FAM118B: variants seen among roughly 807,000 people sequenced by gnomAD.
FAM118B encodes protein FAM118B.
A neutral mutation model predicts 38.5 loss-of-function variants in FAM118B; 24 were observed. The ratio of observed to expected loss-of-function variants is 0.62; its 90% confidence interval spans 0.45 to 0.88. The LOEUF is 0.88. Ranked by LOEUF, FAM118B falls within the 40% of genes least tolerant of loss-of-function variation. The pLI, the probability that FAM118B is intolerant of heterozygous loss-of-function variation, is 0.00. For synonymous variants in FAM118B, 138 were observed against 156.3 expected (o/e 0.88, Z 0.87); for missense variants, 334 against 420.0 (o/e 0.80, Z 1.79).
At chr11:126,227,254 G>A (rs1950155674) in intron 1 of FAM118B, among the ~76,000 whole-genome samples, 1 of 151,756 alleles carries the variant, frequency 6.6e-6, no homozygotes, top group African/African-American at 2.4e-5. Context: ...GTAGAGATGG[G>A]GTTTTGCCAT....
intron 7 of FAM118B, among the ~76,000 whole-genome samples, chr11:126,258,872 A>G (rs981327599): frequency 1.5e-4 from 23 of 152,270 alleles, no homozygotes; most frequent in Non-Finnish European, 4.4e-5. Flanking sequence ...GTTGCATTAC[A>G]TAACAAAGAA....
chr11:126,225,910 G>A (rs1275798773), intron 1 of FAM118B, among the ~76,000 whole-genome samples: 1 of 152,230 alleles, frequency 6.6e-6, no homozygotes, highest in Admixed American at 6.5e-5. Flanking sequence ...AACCCAAGGA[G>A]ATGGAGGTTG....
At chr11:126,234,415 A>G (rs886067921) in intron 2 of FAM118B, among the ~76,000 whole-genome samples, 1 of 152,200 alleles carries the variant, frequency 6.6e-6, no homozygotes, top group South Asian at 2.1e-4. Flanking sequence ...TTTACCAGTC[A>G]TCACAGTGGC....
At chr11:126,261,575 C>T (rs1200457720) in intron 8 of FAM118B, 91 bp downstream of exon 8, 1 of 1,007,154 alleles carries the variant, frequency 9.9e-7, no homozygotes, top group African/African-American at 1.6e-5. Flanking sequence ...TTACTTTGGA[C>T]CTCACATTGC....
At chr11:126,229,122 C>A (rs1169790741) in intron 1 of FAM118B, 103 bp from the exon 2 acceptor site, 2 of 152,118 alleles carry the variant, frequency 1.3e-5, no homozygotes, top group South Asian at 4.1e-4. Context: ...TAACCTATGC[C>A]ATTTATGATG....
chr11:126,219,539 T>A (rs1269681705), intron 1 of FAM118B, among the ~76,000 whole-genome samples: 1 of 151,946 alleles, frequency 6.6e-6, no homozygotes, highest in East Asian at 1.9e-4. Flanking sequence ...AAGTTTTTTA[T>A]TTTTGTAGAG....
In FAM118B at chr11:126,252,212, C is replaced by T. The variant is rs1340175300; in HGVS notation, c.567+1479C>T. Among the ~76,000 whole-genome samples the T allele has an allele frequency of 6.6e-6, 1 of 152,118 alleles. No individual in the cohort carries two copies. The highest frequency in any genetic ancestry group is 6.5e-5 in the Admixed American group (1 of 15,272). On this transcript the variant is annotated intron_variant, in intron 5 of 8. Transcript: ENST00000533050. This position sits in a 1 kb window ranked among gnomAD's most constrained non-coding sequence, Gnocchi z 4.7. Reference sequence around the variant, plus strand: ...ATGTTGGCCAGGCTGGTCTCGAACTCCTGACCTCAGGTGATCTGCCCACCT... The same window carrying T: ...ATGTTGGCCAGGCTGGTCTCGAACTTCTGACCTCAGGTGATCTGCCCACCT...
intron 1 of FAM118B, among the ~76,000 whole-genome samples, chr11:126,217,070 G>A (rs976413354): frequency 7.2e-5 from 11 of 152,226 alleles, no homozygotes; most frequent in East Asian, 1.9e-4. Flanking sequence ...TCTTTGAGAC[G>A]TGGGAGGAAA....
intron 3 of FAM118B, 30 bp from the exon 4 acceptor site, chr11:126,240,762 C>A: frequency 1.3e-6 from 2 of 1,577,600 alleles, no homozygotes; most frequent in South Asian, 1.2e-5. Context: ...ATTGGATATT[C>A]CAATCCTCTC....
intron 1 of FAM118B, among the ~76,000 whole-genome samples, chr11:126,228,306 C>T (rs1950170123): frequency 6.6e-6 from 1 of 151,506 alleles, no homozygotes; most frequent in South Asian, 2.1e-4. Context: ...TCAAGCAGTT[C>T]TGCCTCAGCC....
At chr11:126,227,058 C>CTT (rs575065140) in intron 1 of FAM118B, among the ~76,000 whole-genome samples, 1,192 of 97,086 alleles carry the variant, frequency 0.012, 29 homozygotes, top group African/African-American at 0.017. Flanking sequence ...ATACAAGCTT[C>CTT]TTTTTTTTTT....
intron 4 of FAM118B, among the ~76,000 whole-genome samples, chr11:126,249,741 A>C (rs1431139237): frequency 6.7e-6 from 1 of 149,756 alleles, no homozygotes; most frequent in Non-Finnish European, 1.5e-5. Flanking sequence ...CAAAAAAAAA[A>C]AAAAAAAAAA....
Position 126,220,545 on chromosome 11 carries a change from C to T in FAM118B, c.-76-8680C>T, listed in dbSNP as rs545378051. On this transcript the variant is annotated intron_variant, in intron 1 of 8. Transcript: ENST00000533050. ...CCTGGTCAACATAGCAAGAGCCCAT[C>T]TCTACAACAAAATTTAAAAATTAGC... Among the ~76,000 whole-genome samples the T allele has an allele frequency of 3.0e-4, 46 of 152,200 alleles. No homozygotes were observed. The South Asian group carries it at 4.6e-3, about 15-fold the overall frequency.
Position 126,256,797 on chromosome 11 carries a change from T to A in FAM118B, c.927T>A (p.Asp309Glu). The change falls in exon 7 of 9, where the codon GAT becomes GAA. Residue 309 changes from aspartate (D) to glutamate (E), a missense_variant. Transcript: ENST00000533050. The surrounding 1 kb of genome is among the most constrained non-coding windows in gnomAD (Gnocchi z 6.6). ...KVISYGDDYA[D>E]LPEYFKRLTC... ...TCTCCTATGGAGATGACTATGCCGATCTTCCAGAATATTTCAAGCGACTGA... is the reference window on the plus strand; with the variant it reads ...TCTCCTATGGAGATGACTATGCCGAACTTCCAGAATATTTCAAGCGACTGA... 1 of 1,613,882 alleles carries A rather than the reference T, an allele frequency of 6.2e-7. No homozygotes were observed. The highest frequency in any genetic ancestry group is 1.3e-5 in the African/African-American group (1 of 75,036).
At chr11:126,233,167 A>AAT (rs1267512388) in intron 2 of FAM118B, among the ~76,000 whole-genome samples, 2 of 152,184 alleles carry the variant, frequency 1.3e-5, no homozygotes, top group Non-Finnish European at 2.9e-5. Context: ...TATTTTCAAG[A>AAT]ATATATATAC....
Position 126,256,415 on chromosome 11 carries a change from A to C in FAM118B, c.697-152A>C. ...CAATCATCAAGTTACAGCAATAAGCAAGAGATCACACTCCTTGATGGGACA... is the reference window on the plus strand; with the variant it reads ...CAATCATCAAGTTACAGCAATAAGCCAGAGATCACACTCCTTGATGGGACA... On this transcript the variant is annotated intron_variant, in intron 6 of 8. Transcript: ENST00000533050. This position sits in a 1 kb window ranked among gnomAD's most constrained non-coding sequence, Gnocchi z 6.6. The C allele has an allele frequency of 1.6e-6, 1 of 638,022 alleles. No homozygotes were observed. Among genetic ancestry groups the C allele is most frequent in the Non-Finnish European group, 2.7e-6 (1 of 370,904 alleles). 39.5% of individuals were successfully genotyped at this position (638,022 alleles called of 1,614,324 possible).
chr11:126,238,140 T>A (rs1950306427), intron 3 of FAM118B, among the ~76,000 whole-genome samples: 1 of 152,088 alleles, frequency 6.6e-6, no homozygotes, highest in Non-Finnish European at 1.5e-5. Context: ...GGCAGGCGGA[T>A]CACTTGAGGT....
In FAM118B at chr11:126,262,191, T is replaced by A; in HGVS notation, c.*58T>A. ...AGCTGTAAGGCCCTACTACAGACAGTGTTTAACAAGTAAACTTACAAGAAC... is the reference window on the plus strand; with the variant it reads ...AGCTGTAAGGCCCTACTACAGACAGAGTTTAACAAGTAAACTTACAAGAAC... On this transcript the variant is annotated 3_prime_UTR_variant, in exon 9 of 9. Transcript: ENST00000533050. 6.3e-7 allele frequency: 1 copy of A among 1,581,946 alleles called. No individual in the cohort carries two copies. Among genetic ancestry groups the A allele is most frequent in the East Asian group, 2.2e-5 (1 of 44,728 alleles).
At chr11:126,218,012 G>A (rs959578909) in intron 1 of FAM118B, among the ~76,000 whole-genome samples, 5 of 152,180 alleles carry the variant, frequency 3.3e-5, no homozygotes, top group African/African-American at 9.7e-5. Flanking sequence ...TAACACCAGG[G>A]TATGGGTCTT....
Sources: allele counts gnomAD v4.1 joint callset (sites outside exome capture counted in the v4.1 genomes callset), GRCh38; gene constraint gnomAD v4.1.1; non-coding constraint Gnocchi (gnomAD v3.1); transcripts MANE v1.5; gene names NCBI Gene and HGNC (gene_info 2026-07-23, HGNC 2026-07-21).